DNAH14: variants seen among roughly 807,000 people sequenced by gnomAD.
DNAH14 encodes axonemal beta dynein heavy chain 14.
A neutral mutation model predicts 520.9 loss-of-function variants in DNAH14; 478 were observed. The ratio of observed to expected loss-of-function variants is 0.92; its 90% CI spans 0.85 to 0.99. DNAH14 has a LOEUF of 0.99. DNAH14 is among the 50% of genes least tolerant of loss of function. DNAH14 has a pLI of 0.00. For synonymous variants in DNAH14, 1,581 were observed against 1,757.2 expected (o/e 0.90, Z 2.51); for missense variants, 4,831 against 5,234.5 (o/e 0.92, Z 2.38).
chr1:225,058,039 C>T (rs2069398617), intron 17 of DNAH14, among the ~76,000 whole-genome samples: 1 of 152,090 alleles, frequency 6.6e-6, no homozygotes, highest in African/African-American at 2.4e-5. Context: ...ATGATGCTGG[C>T]CTCATAAAAT....
At position 225,336,066 on chromosome 1, in the gene DNAH14, C is replaced by T. The variant is rs1392890931; in HGVS notation, c.10081-1200C>T. Reference sequence around the variant, plus strand: ...ATATGCATATATACATATATGTATACATACATACTTATATATACATATATG... The same window carrying T: ...ATATGCATATATACATATATGTATATATACATACTTATATATACATATATG... On this transcript the variant is annotated intron_variant, in intron 66 of 85. Coordinates refer to ENST00000682510, the MANE Select transcript of DNAH14 (RefSeq NM_001367479.1). Among the ~76,000 whole-genome samples, 22 of 114,710 alleles carry T rather than the reference C, an allele frequency of 1.9e-4. No homozygotes were observed. The East Asian group carries it at 5.7e-3, about 30-fold the overall frequency. 75.3% of individuals were successfully genotyped at this position (114,710 alleles called of 152,430 possible).
At chr1:225,200,360 A>G (rs946873206) in intron 38 of DNAH14, among the ~76,000 whole-genome samples, 2 of 152,076 alleles carry the variant, frequency 1.3e-5, no homozygotes, top group African/African-American at 2.4e-5. Context: ...GTACCATTCC[A>G]GTCATCATGC....
Position 225,259,273 on chromosome 1 carries a change from A to G in DNAH14, c.7157+20A>G, listed in dbSNP as rs1415573901. On this transcript the variant is annotated intron_variant, in intron 46 of 85. Coordinates refer to ENST00000682510, the MANE Select transcript of DNAH14 (RefSeq NM_001367479.1). ...ATCAAGGTTGTATATACTAACTTCT[A>G]AATTTGATTTGTCTGATTTTAAAAA... 2 of 1,358,370 alleles carry G rather than the reference A, an allele frequency of 1.5e-6. No homozygotes were observed. The highest frequency in any genetic ancestry group is 1.9e-4 in the Middle Eastern group (1 of 5,396). The allele number at this position is 1,358,370 out of a possible 1,614,324, so 84.1% of individuals were successfully genotyped here.
chr1:225,207,014 T>C lies in DNAH14; in HGVS notation c.6233T>C (p.Leu2078Pro). 6.5e-7 allele frequency: 1 copy of C among 1,544,514 alleles called. No individual in the cohort carries two copies. Among genetic ancestry groups the C allele is most frequent in the Non-Finnish European group, 8.7e-7 (1 of 1,143,878 alleles). ...GAACCTTATGTTAAGTCATGGCTTC[T>C]GAAAACTTCTAAAATTATAAGTCAA... ...GWEPYVKSWL[L>P]KTSKIISQSG... The change falls in exon 41 of 86, where the codon CTG becomes CCG. Residue 2078 changes from leucine (L) to proline (P), a missense_variant. Physicochemically the swap from Leu to Pro is moderately conservative, Grantham distance 98. Coordinates refer to ENST00000682510, the MANE Select transcript of DNAH14 (RefSeq NM_001367479.1).
chr1:224,933,321 G>A (rs923896242), intron 1 of DNAH14, among the ~76,000 whole-genome samples: 1 of 152,000 alleles, frequency 6.6e-6, no homozygotes, highest in Non-Finnish European at 1.5e-5. Flanking sequence ...TCTAAGAATT[G>A]TTTGGTGGAG....
chr1:225,142,908 A>G (rs569739505), intron 28 of DNAH14, among the ~76,000 whole-genome samples: 8 of 152,352 alleles, frequency 5.3e-5, no homozygotes, highest in African/African-American at 1.7e-4. Flanking sequence ...CCTGGGTGAC[A>G]GAGCAAGACT....
chr1:225,316,504 G>A (rs1480413468), intron 60 of DNAH14, among the ~76,000 whole-genome samples: 1 of 152,184 alleles, frequency 6.6e-6, no homozygotes, highest in Non-Finnish European at 1.5e-5. Flanking sequence ...GGAATCTCCT[G>A]GTCTGCGGGT....
At chr1:225,273,721 C>T (rs2093379591) in intron 52 of DNAH14, among the ~76,000 whole-genome samples, 1 of 152,196 alleles carries the variant, frequency 6.6e-6, no homozygotes, top group Non-Finnish European at 1.5e-5. Context: ...GACTCCTCAT[C>T]CTTCTCCGTC....
chr1:224,964,659 T>C (rs748410327), intron 5 of DNAH14, 50 bp downstream of exon 5: 6 of 1,358,476 alleles, frequency 4.4e-6, no homozygotes, highest in Non-Finnish European at 5.9e-6. Context: ...AATATTGAAA[T>C]TATATTTTAA....
chr1:225,274,194 G>GTTTTTTTTTTTT (rs1193834939), intron 52 of DNAH14, among the ~76,000 whole-genome samples: 1,248 of 120,040 alleles, frequency 0.01, 215 homozygotes, highest in East Asian at 0.014. Flanking sequence ...ACCAGCATCT[G>GTTTTTTTTTTTT]TTATTTTTTT....
At chr1:225,008,690 G>A (rs530848409) in intron 10 of DNAH14, among the ~76,000 whole-genome samples, 27 of 148,426 alleles carry the variant, frequency 1.8e-4, no homozygotes, top group African/African-American at 5.7e-4. Flanking sequence ...CTCCCAAAGT[G>A]CTGGGATTAC....
At chr1:225,240,944 TA>T in intron 43 of DNAH14, 122 bp downstream of exon 43, 1 of 779,838 alleles carries the variant, frequency 1.3e-6, no homozygotes, top group Non-Finnish European at 2.0e-6. Context: ...AAAGAAGGTT[TA>T]TAATATACCC....
intron 11 of DNAH14, among the ~76,000 whole-genome samples, chr1:225,030,241 T>C (rs2449311): frequency 0.85 from 128,886 of 151,814 alleles, 56,176 homozygotes; most frequent in Non-Finnish European, 0.96. Context: ...CAAAACTTAC[T>C]ATAGGCAGCA....
At chr1:224,955,402 T>C (rs2125520652) in intron 3 of DNAH14, among the ~76,000 whole-genome samples, 1 of 152,260 alleles carries the variant, frequency 6.6e-6, no homozygotes, top group Middle Eastern at 3.4e-3. Flanking sequence ...TTTTTTGAGG[T>C]ACAGACCTTA....
chr1:225,335,873 A>ATG (rs1491091866), intron 66 of DNAH14, among the ~76,000 whole-genome samples: 1 of 37,852 alleles, frequency 2.6e-5, no homozygotes, highest in African/African-American at 1.3e-4. Context: ...GTACATACAC[A>ATG]TATACATATA....
At chr1:225,067,399 C>G (rs2071019332) in intron 17 of DNAH14, among the ~76,000 whole-genome samples, 1 of 152,048 alleles carries the variant, frequency 6.6e-6, no homozygotes, top group Admixed American at 6.5e-5. Flanking sequence ...CATGTCTTTA[C>G]TATTGTGAGC....
rs139335948 is a variant in DNAH14 at position 225,255,345 on chromosome 1, C to T, written c.6866-2615C>T. Among the ~76,000 whole-genome samples the T allele has an allele frequency of 7.0e-3, 1,062 of 152,256 alleles. 8 individuals carry two copies. Among genetic ancestry groups the T allele is most frequent in the African/African-American group, 0.024 (993 of 41,530 alleles). On this transcript the variant is annotated intron_variant, in intron 44 of 85. Transcript: ENST00000682510. ...GTGATTTTGATTGAATCAATCAAGT[C>T]ATTGTATCATTAGGTTGGCTATTCA... is the stretch of plus-strand genomic sequence containing the variant.
In DNAH14 at chr1:225,079,389, A is replaced by G; in HGVS notation, c.2607A>G (p.Gln869=). ...KHHQIHISEE[Q]IAIFQVLLLK... ...ACCAGATCCATATTTCAGAAGAGCAAATTGCCATATTCCAAGTTCTTCTTC... is the reference window on the plus strand; with the variant it reads ...ACCAGATCCATATTTCAGAAGAGCAGATTGCCATATTCCAAGTTCTTCTTC... Residue 869 remains glutamine (Q), a synonymous_variant, in exon 18 of 86, where the codon CAA becomes CAG. Coordinates refer to ENST00000682510, the MANE Select transcript of DNAH14 (RefSeq NM_001367479.1). The G allele has an allele frequency of 6.4e-7, 1 of 1,550,778 alleles. No individual in the cohort carries two copies. The highest frequency in any genetic ancestry group is 2.4e-5 in the East Asian group (1 of 40,840).
intron 45 of DNAH14, among the ~76,000 whole-genome samples, chr1:225,258,593 C>G (rs1009904891): frequency 8.5e-5 from 13 of 152,144 alleles, no homozygotes; most frequent in Admixed American, 2.0e-4. Context: ...ACTTGTGTTG[C>G]ATAGCACCAG....
Sources: allele counts gnomAD v4.1 joint callset (sites outside exome capture counted in the v4.1 genomes callset), GRCh38; gene constraint gnomAD v4.1.1; transcripts MANE v1.5; gene names NCBI Gene and HGNC (gene_info 2026-07-23, HGNC 2026-07-21).